The following PLA2G4E variants were observed in gnomAD, a reference collection of about 807,000 sequenced individuals.
PLA2G4E encodes cytosolic phospholipase A2 epsilon.
In PLA2G4E, 84 loss-of-function variants were observed where a neutral mutation model predicts 109.1. That is an observed-to-expected ratio of 0.77 (90% CI 0.65 to 0.92). The LOEUF (loss-of-function observed/expected upper bound fraction) is 0.92. Ranked by LOEUF, PLA2G4E falls within the 40% of genes least tolerant of loss-of-function variation. The pLI is 0.00. For synonymous variants in PLA2G4E, 469 were observed against 436.1 expected, an observed-to-expected ratio of 1.08 and a Z score of -0.94; for missense variants, 1,057 against 1,076.6, an observed-to-expected ratio of 0.98 and a Z score of 0.25.
chr15:42,041,716 C>T (rs1465172101), intron 1 of PLA2G4E, among the ~76,000 whole-genome samples: 1 of 152,184 alleles, frequency 6.6e-6, no homozygotes, highest in Non-Finnish European at 1.5e-5. Flanking sequence ...CTCTTTCATG[C>T]TTATTCACTT....
At chr15:42,019,790 G>A (rs918892084) in intron 1 of PLA2G4E, among the ~76,000 whole-genome samples, 3 of 152,220 alleles carry the variant, frequency 2.0e-5, no homozygotes, top group African/African-American at 7.2e-5. Flanking sequence ...CACCAGGCTA[G>A]TTGAGTGGTC....
intron 1 of PLA2G4E, among the ~76,000 whole-genome samples, chr15:42,038,482 T>C (rs1889256752): frequency 6.6e-6 from 1 of 152,214 alleles, no homozygotes; most frequent in African/African-American, 2.4e-5. Flanking sequence ...CATTAGATTC[T>C]CACAAGGAGC....
chr15:42,005,553 G>C (rs572298788), intron 4 of PLA2G4E, among the ~76,000 whole-genome samples: 1 of 152,202 alleles, frequency 6.6e-6, no homozygotes, highest in African/African-American at 2.4e-5. Context: ...CATCCTGGGG[G>C]CTCCAGCTCT....
At chr15:42,036,763 T>C (rs1889223599) in intron 1 of PLA2G4E, among the ~76,000 whole-genome samples, 1 of 152,008 alleles carries the variant, frequency 6.6e-6, no homozygotes, top group Admixed American at 6.5e-5. Context: ...AGCTGCATGC[T>C]CCGCGGAGCT....
intron 1 of PLA2G4E, among the ~76,000 whole-genome samples, chr15:42,036,482 G>A (rs575088424): frequency 6.6e-6 from 1 of 152,278 alleles, no homozygotes; most frequent in African/African-American, 2.4e-5. Flanking sequence ...TGCCATCGCC[G>A]AGGATGCCGG....
At chr15:42,035,641 C>T (rs547533350) in intron 1 of PLA2G4E, among the ~76,000 whole-genome samples, 4 of 152,122 alleles carry the variant, frequency 2.6e-5, no homozygotes, top group Non-Finnish European at 4.4e-5. Context: ...GGCACTTGGG[C>T]TTCAGGTTAA....
exon 4 of PLA2G4E, chr15:42,006,113 T>C (rs1179081506): frequency 6.2e-7 from 1 of 1,613,688 alleles, no homozygotes; most frequent in African/African-American, 1.3e-5. Context: ...CACTCAACTC[T>C]AGCACGTTCT....
chr15:42,007,847 A>T (rs2068492793), exon 3 of PLA2G4E: 2 of 1,605,886 alleles, frequency 1.2e-6, no homozygotes, highest in African/African-American at 2.7e-5. Context: ...GAGGCTCACA[A>T]AACAGTCTGT....
At chr15:42,016,241 C>CTTTTTTTTTTTTTTT (rs1168452228) in intron 1 of PLA2G4E, among the ~76,000 whole-genome samples, 5 of 104,684 alleles carry the variant, frequency 4.8e-5, no homozygotes, top group Admixed American at 1.0e-4. Context: ...TTTATCTTTA[C>CTTTTTTTTTTTTTTT]TTTTTTTTTT....
intron 10 of PLA2G4E, chr15:41,998,051 T>C (rs1595562901): frequency 6.6e-6 from 1 of 152,204 alleles, no homozygotes; most frequent in Admixed American, 6.5e-5. Context: ...TGTTTCCGGG[T>C]CTTGGCACAG....
At chr15:42,039,194 C>T (rs1889272217) in intron 1 of PLA2G4E, among the ~76,000 whole-genome samples, 2 of 152,150 alleles carry the variant, frequency 1.3e-5, no homozygotes, top group African/African-American at 4.8e-5. Context: ...TCCAAAGCTA[C>T]AAGACTATTT....
chr15:42,015,856 G>T (rs1038945975), intron 1 of PLA2G4E, among the ~76,000 whole-genome samples: 1 of 152,222 alleles, frequency 6.6e-6, no homozygotes, highest in African/African-American at 2.4e-5. Context: ...CCCGGGAAGG[G>T]GCAGCCTCGC....
At chr15:42,022,438 G>A (rs1041232441) in intron 1 of PLA2G4E, among the ~76,000 whole-genome samples, 1 of 151,916 alleles carries the variant, frequency 6.6e-6, no homozygotes, top group African/African-American at 2.4e-5. Context: ...TTATCATATT[G>A]TCATATATAA....
intron 2 of PLA2G4E, among the ~76,000 whole-genome samples, chr15:42,011,241 C>T (rs1443345854): frequency 2.6e-5 from 4 of 152,260 alleles, no homozygotes; most frequent in Non-Finnish European, 5.9e-5. Context: ...GCTTGTAGAG[C>T]CAGACTACAG....
At chr15:42,048,552 GGCC>G (rs1389551267) in intron 1 of PLA2G4E, among the ~76,000 whole-genome samples, 1 of 152,192 alleles carries the variant, frequency 6.6e-6, no homozygotes, top group Non-Finnish European at 1.5e-5. Flanking sequence ...AAGACCAGGG[GGCC>G]ATGGGTACAG....
chr15:42,013,838 C>T, intron 1 of PLA2G4E, 81 bp from the exon 2 acceptor site: 1 of 1,117,772 alleles, frequency 8.9e-7, no homozygotes. Flanking sequence ...TCCCGCTATG[C>T]CTCCTCAGGC....
At chr15:41,990,358 T>C (rs1427906205) in intron 13 of PLA2G4E, 123 bp from the exon 14 acceptor site, 3 of 831,826 alleles carry the variant, frequency 3.6e-6, no homozygotes, top group Non-Finnish European at 5.8e-6. Context: ...ACCGGGCTGC[T>C]GTATCGGCCC....
chr15:42,007,793 A>AAGC, exon 3 of PLA2G4E: 1 of 1,612,182 alleles, frequency 6.2e-7, no homozygotes, highest in Non-Finnish European at 8.5e-7. Context: ...GCAGTTGGAG[A>AAGC]TGGTCCTTGT....
chr15:42,035,389 T>C (rs114430328), intron 1 of PLA2G4E, among the ~76,000 whole-genome samples: 2,470 of 152,336 alleles, frequency 0.016, 82 homozygotes, highest in African/African-American at 0.057. Flanking sequence ...TCAACACCTG[T>C]AAACTGGGAC....
Sources: gnomAD v4.1 joint callset for allele counts (sites outside exome capture counted in the v4.1 genomes callset) on GRCh38, gnomAD v4.1.1 for gene constraint, MANE v1.5 for transcripts, NCBI Gene and HGNC (gene_info 2026-07-23, HGNC 2026-07-21) for gene names.